The following LYPLA1 variants were observed in gnomAD, a reference collection of about 807,000 sequenced individuals.
LYPLA1 encodes the protein acyl-protein thioesterase 1.
A neutral mutation model predicts 34.0 loss-of-function variants in LYPLA1; 17 were observed. That is an observed-to-expected ratio of 0.50 (90% CI 0.34 to 0.75). The LOEUF (loss-of-function observed/expected upper bound fraction) is 0.75, where lower values mean the gene tolerates loss of function less well. LYPLA1 is among the 30% of genes least tolerant of loss of function. The pLI is 0.01. For missense variants in LYPLA1, 203 were observed against 288.8 expected (o/e 0.70, Z 2.15); for synonymous variants, 98 against 100.8 (o/e 0.97, Z 0.17).
intron 5 of LYPLA1, among the ~76,000 whole-genome samples, chr8:54,060,160 T>C (rs1448668057): frequency 6.6e-6 from 1 of 152,018 alleles, no homozygotes; most frequent in African/African-American, 2.4e-5. Context: ...AGTTTCACTC[T>C]TGTTGCCCAG....
In LYPLA1 at chr8:54,084,966, T is replaced by TCCTCTC. The variant is rs953410208; in HGVS notation, c.101+15936_101+15941dup. ...TACCAATCCAATGTTTAAAGAATCC[T>TCCTCTC]CCTCTCCCTCTCCCTCTCCCTCCTC... On this transcript the variant is annotated intron_variant, in intron 2 of 8. Transcript: ENST00000316963. Among the ~76,000 whole-genome samples, 22 of 150,946 alleles carry TCCTCTC rather than the reference T, an allele frequency of 1.5e-4. 1 individual carries two copies. The highest frequency in any genetic ancestry group is 2.8e-4 in the Non-Finnish European group (19 of 67,940).
chr8:54,066,180 G>A lies in LYPLA1; in HGVS notation c.102-367C>T, dbSNP rs1021203559. Among the ~76,000 whole-genome samples the A allele has an allele frequency of 5.9e-5, 9 of 151,928 alleles. No homozygotes were observed. In the East Asian group the frequency reaches 9.8e-4, roughly 16 times the overall value. On this transcript the variant is annotated intron_variant, in intron 2 of 8. Transcript: ENST00000316963. ...TCTTGATCTCCTGACCTCGTGATCC[G>A]CTCGCCTCGGCCTCCCAAAGTGCTG...
At chr8:54,082,246 T>C (rs537810950) in intron 2 of LYPLA1, among the ~76,000 whole-genome samples, 1 of 152,238 alleles carries the variant, frequency 6.6e-6, no homozygotes, top group East Asian at 1.9e-4. Flanking sequence ...AAAAAGAATT[T>C]ATACAGCAGG....
At position 54,055,081 on chromosome 8, in the gene LYPLA1, A is replaced by T; in HGVS notation, c.339T>A (p.Ile113=). ...EVKNGIPSNR[I]ILGGFSQGGA... ...TTACCTGAGAAAACCCTCCCAAAATAATTCTGTTAGAAGGAATGCCATTCT... is the reference window on the plus strand; with the variant it reads ...TTACCTGAGAAAACCCTCCCAAAATTATTCTGTTAGAAGGAATGCCATTCT... The change falls in exon 6 of 9, where the codon ATT becomes ATA. Residue 113 remains isoleucine (I), a synonymous_variant. Coordinates refer to ENST00000316963, the MANE Select transcript of LYPLA1 (RefSeq NM_006330.4). 6.2e-7 allele frequency: 1 copy of T among 1,608,434 alleles called. No homozygotes were observed. The highest frequency in any genetic ancestry group is 8.5e-7 in the Non-Finnish European group (1 of 1,175,502).
At chr8:54,101,202 T>C in intron 1 of LYPLA1, 1 of 590,278 alleles carries the variant, frequency 1.7e-6, no homozygotes. Context: ...ATGATCACAT[T>C]CTAAGAAAAA....
intron 2 of LYPLA1, among the ~76,000 whole-genome samples, chr8:54,098,080 G>A (rs1041149481): frequency 6.6e-5 from 10 of 151,920 alleles, no homozygotes; most frequent in East Asian, 3.9e-4. Context: ...AAAATTAGCC[G>A]GGTGTGGTGG....
intron 2 of LYPLA1, among the ~76,000 whole-genome samples, chr8:54,096,700 G>A (rs376720598): frequency 8.0e-5 from 12 of 150,660 alleles, no homozygotes; most frequent in African/African-American, 2.7e-4. Flanking sequence ...CCAAGATCAC[G>A]CCACTACACT....
intron 3 of LYPLA1, among the ~76,000 whole-genome samples, chr8:54,063,683 T>C (rs1252897719): frequency 2.0e-5 from 3 of 152,194 alleles, no homozygotes; most frequent in African/African-American, 2.4e-5. Context: ...ACCAAGACAG[T>C]TGGAAATGTA....
intron 3 of LYPLA1, among the ~76,000 whole-genome samples, chr8:54,064,486 C>T (rs1340828778): frequency 6.6e-6 from 1 of 152,146 alleles, no homozygotes; most frequent in Non-Finnish European, 1.5e-5. Context: ...ACATAGCAAC[C>T]CTAGCCACAG....
chr8:54,060,446 A>G (rs890446411), intron 5 of LYPLA1, among the ~76,000 whole-genome samples: 1 of 151,930 alleles, frequency 6.6e-6, no homozygotes, highest in Non-Finnish European at 1.5e-5. Context: ...TGTTAAAAAT[A>G]GACACGTCCC....
chr8:54,099,904 G>C (rs939834544), intron 2 of LYPLA1, among the ~76,000 whole-genome samples: 1 of 151,838 alleles, frequency 6.6e-6, no homozygotes, highest in Non-Finnish European at 1.5e-5. Context: ...AGCTGGTGTC[G>C]AACTCTTGAC....
intron 2 of LYPLA1, among the ~76,000 whole-genome samples, chr8:54,085,002 TCCTCTC>T (rs200874841): frequency 0.011 from 1,307 of 120,802 alleles, 18 homozygotes; most frequent in African/African-American, 0.065. Context: ...TCCCTCCTCT[TCCTCTC>T]CCTCTCCCTC....
chr8:54,100,934 A>G lies in LYPLA1; in HGVS notation c.75T>C (p.Ile25=), dbSNP rs753376011. The change falls in exon 2 of 9, where the codon ATT becomes ATC. Residue 25 remains isoleucine, a synonymous_variant. Coordinates refer to ENST00000316963, the MANE Select transcript of LYPLA1 (RefSeq NM_006330.4). ...CAGTATCTCCCAATCCATGCAGGAA[A>G]ATCACCTATAAGAGAAGAGGAAAAT... ...PAARKATAAV[I]FLHGLGDTGH... 3.7e-6 allele frequency: 6 copies of G among 1,609,148 alleles called. No homozygotes were observed. Among genetic ancestry groups the G allele is most frequent in the Non-Finnish European group, 5.1e-6 (6 of 1,175,462 alleles).
intron 2 of LYPLA1, among the ~76,000 whole-genome samples, chr8:54,088,702 G>A (rs1454993301): frequency 6.6e-6 from 1 of 152,166 alleles, no homozygotes; most frequent in Non-Finnish European, 1.5e-5. Context: ...TAAAAAAGTA[G>A]AAACAATCCA....
At chr8:54,052,309 TA>T (rs1805900850) in intron 7 of LYPLA1, among the ~76,000 whole-genome samples, 1 of 152,140 alleles carries the variant, frequency 6.6e-6, no homozygotes. Flanking sequence ...CGTACAGAAA[TA>T]AGGCCTAGTA....
chr8:54,043,879 C>T (rs535878074), downstream of LYPLA1, among the ~76,000 whole-genome samples: 1 of 152,092 alleles, frequency 6.6e-6, no homozygotes, highest in East Asian at 1.9e-4. Flanking sequence ...GCATTTTATA[C>T]TGTTACTCTT....
chr8:54,099,282 T>C (rs1809928395), intron 2 of LYPLA1, among the ~76,000 whole-genome samples: 1 of 152,152 alleles, frequency 6.6e-6, no homozygotes, highest in Admixed American at 6.5e-5. Flanking sequence ...GTAAAATAAG[T>C]TCATCATTTT....
At position 54,063,413 on chromosome 8, in the gene LYPLA1, A is replaced by G. The variant is rs961839406; in HGVS notation, c.168-38T>C. 7.6e-6 allele frequency: 10 copies of G among 1,322,046 alleles called. No homozygotes were observed. In the Admixed American group the frequency reaches 1.2e-4, roughly 16 times the overall value. 81.9% of individuals were successfully genotyped at this position (1,322,046 alleles called of 1,614,324 possible). Reference sequence around the variant, plus strand: ...GAAAAAACAACAAAATCAGAATAACAAAGCATAAAAACTGATAAATTCCAT... The same window carrying G: ...GAAAAAACAACAAAATCAGAATAACGAAGCATAAAAACTGATAAATTCCAT... On this transcript the variant is annotated intron_variant, in intron 3 of 8. Transcript: ENST00000316963.
Position 54,047,326 on chromosome 8 carries a change from T to C in LYPLA1, c.*739A>G, listed in dbSNP as rs1805541198. 1 of 152,112 alleles carries C rather than the reference T, an allele frequency of 6.6e-6. No individual in the cohort carries two copies. Among genetic ancestry groups the C allele is most frequent in the Admixed American group, 6.6e-5 (1 of 15,264 alleles). The allele number at this position is 152,112 out of a possible 1,614,324, so 9.4% of individuals were successfully genotyped here. ...TGACCCAGAATGTCAAATTACAGCATGTATTGACAGTAGCTGTCTATTGCA... is the reference window on the plus strand; with the variant it reads ...TGACCCAGAATGTCAAATTACAGCACGTATTGACAGTAGCTGTCTATTGCA... On this transcript the variant is annotated 3_prime_UTR_variant, in exon 9 of 9. Coordinates refer to ENST00000316963, the MANE Select transcript of LYPLA1 (RefSeq NM_006330.4).
Sources: gnomAD v4.1 joint callset for allele counts (sites outside exome capture counted in the v4.1 genomes callset) on GRCh38, gnomAD v4.1.1 for gene constraint, MANE v1.5 for transcripts, NCBI Gene and HGNC (gene_info 2026-07-23, HGNC 2026-07-21) for gene names.